Variants in PRKAR1B observed in about 807,000 individuals in gnomAD.
The protein encoded by PRKAR1B is cAMP-dependent protein kinase type I-beta regulatory subunit.
A neutral mutation model predicts 46.5 loss-of-function variants in PRKAR1B; 22 were observed. The observed-to-expected ratio is 0.47, with a 90% CI of 0.34 to 0.68. The LOEUF is 0.68. Ranked by LOEUF, PRKAR1B falls within the 30% of genes least tolerant of loss-of-function variation. The pLI is 0.01. For synonymous variants in PRKAR1B, 259 were observed against 217.7 expected (o/e 1.19, Z -1.67); for missense variants, 445 against 535.6 (o/e 0.83, Z 1.67).
intron 7 of PRKAR1B, among the ~76,000 whole-genome samples, chr7:585,162 A>G (rs989356725): frequency 6.6e-6 from 1 of 152,208 alleles, no homozygotes; most frequent in Non-Finnish European, 1.5e-5. Context: ...CATTCTAGAA[A>G]CTAGGATTAT....
chr7:583,556 G>A lies in PRKAR1B; in HGVS notation c.769+952C>T, dbSNP rs200815915. Among the ~76,000 whole-genome samples the A allele has an allele frequency of 9.6e-5, 5 of 52,090 alleles. 1 individual carries two copies. Among genetic ancestry groups the A allele is most frequent in the Middle Eastern group, 9.8e-3 (1 of 102 alleles). The allele number at this position is 52,090 out of a possible 152,430, so 34.2% of individuals were successfully genotyped here. A position where few individuals can be genotyped will look rare whatever the true frequency, so the allele number is the denominator to read the frequency against. On this transcript the variant is annotated intron_variant, in intron 8 of 10. Coordinates refer to ENST00000537384, the MANE Select transcript of PRKAR1B (RefSeq NM_001164760.2). ...CCACTCACACACGTGCCAAACACAT[G>A]CGTGCACACCCATGCACACACACTT...
At chr7:586,976 C>T (rs541154072) in intron 7 of PRKAR1B, among the ~76,000 whole-genome samples, 17 of 151,872 alleles carry the variant, frequency 1.1e-4, no homozygotes, top group Admixed American at 4.6e-4. Context: ...CTCCAACTCC[C>T]GGGTTCACGC....
At chr7:702,267 T>C (rs1345181065) in intron 2 of PRKAR1B, among the ~76,000 whole-genome samples, 1 of 145,646 alleles carries the variant, frequency 6.9e-6, no homozygotes, top group Non-Finnish European at 1.5e-5. Flanking sequence ...TAAAAAATAA[T>C]CAAATAATCT....
intron 7 of PRKAR1B, among the ~76,000 whole-genome samples, chr7:595,334 C>CT (rs1781211549): frequency 6.6e-6 from 1 of 152,204 alleles, no homozygotes; most frequent in African/African-American, 2.4e-5. Flanking sequence ...CAGTCCCCCC[C>CT]GCCCCACTCC....
chr7:575,808 C>T (rs1290269636), intron 9 of PRKAR1B, among the ~76,000 whole-genome samples: 4 of 152,160 alleles, frequency 2.6e-5, no homozygotes, highest in African/African-American at 4.8e-5. Flanking sequence ...TGCCTGGGCT[C>T]GAGTGATCCT....
intron 4 of PRKAR1B, among the ~76,000 whole-genome samples, chr7:623,248 G>A (rs941814836): frequency 5.3e-5 from 8 of 152,196 alleles, no homozygotes; most frequent in South Asian, 2.1e-4. Context: ...TCCTGCTCCC[G>A]GCTGGGGTGC....
intron 9 of PRKAR1B, among the ~76,000 whole-genome samples, chr7:566,516 T>A (rs1222985178): frequency 9.8e-5 from 9 of 91,884 alleles, no homozygotes; most frequent in Admixed American, 3.1e-4. Context: ...ACCATCATGA[T>A]CATCACCATC....
chr7:637,220 G>A (rs1784160371), intron 4 of PRKAR1B, among the ~76,000 whole-genome samples: 1 of 152,150 alleles, frequency 6.6e-6, no homozygotes, highest in African/African-American at 2.4e-5. Flanking sequence ...TTCGGAGGCA[G>A]AGGTCTAGCC....
intron 4 of PRKAR1B, among the ~76,000 whole-genome samples, chr7:612,901 G>C (rs558416279): frequency 1.3e-5 from 2 of 151,896 alleles, no homozygotes; most frequent in Admixed American, 6.6e-5. Flanking sequence ...GTCAGCAACA[G>C]AGGCTTTATT....
intron 4 of PRKAR1B, among the ~76,000 whole-genome samples, chr7:632,269 T>G (rs1217232464): frequency 1.3e-5 from 2 of 152,274 alleles, no homozygotes; most frequent in East Asian, 3.9e-4. Context: ...GCTCGGCCCC[T>G]GCAGAAGGGC....
At chr7:695,010 G>T (rs1251560285) in intron 2 of PRKAR1B, among the ~76,000 whole-genome samples, 1 of 147,726 alleles carries the variant, frequency 6.8e-6, no homozygotes. Flanking sequence ...CAGCCTGGGG[G>T]ACAGAGCAAG....
At chr7:631,512 T>TCTCACAGCCCAGCA (rs1783737573) in intron 4 of PRKAR1B, among the ~76,000 whole-genome samples, 1 of 152,024 alleles carries the variant, frequency 6.6e-6, no homozygotes, top group Non-Finnish European at 1.5e-5. Context: ...CAGAAGCCAG[T>TCTCACAGCCCAGCA]CTCACAGCCC....
chr7:718,863 CTT>C (rs1165723435), intron 1 of PRKAR1B, among the ~76,000 whole-genome samples: 13 of 73,870 alleles, frequency 1.8e-4, no homozygotes, highest in South Asian at 7.2e-4. Flanking sequence ...CTTTTATAGG[CTT>C]TTTTTTTTTT....
intron 2 of PRKAR1B, among the ~76,000 whole-genome samples, chr7:699,627 G>GA (rs1057389766): frequency 9.9e-5 from 15 of 152,180 alleles, no homozygotes; most frequent in Non-Finnish European, 1.5e-4. Context: ...GTCGTGGTGA[G>GA]AGGCTCTCTG....
chr7:585,817 G>C (rs13244422), intron 7 of PRKAR1B, among the ~76,000 whole-genome samples: 2 of 152,190 alleles, frequency 1.3e-5, no homozygotes, highest in South Asian at 4.1e-4. Flanking sequence ...GCCTAGACTG[G>C]GCCCTAAAAG....
chr7:584,576 G>C lies in PRKAR1B; in HGVS notation c.709-8C>G. On this transcript the variant is annotated splice_polypyrimidine_tract_variant and splice_region_variant and intron_variant, in intron 7 of 10. Coordinates refer to ENST00000537384, the MANE Select transcript of PRKAR1B (RefSeq NM_001164760.2). ...TTTCCTCAGCGTGCTGCCCTGTTCGGGAGAAAGTAAAAAACAGACAAGAAG... is the reference window on the plus strand; with the variant it reads ...TTTCCTCAGCGTGCTGCCCTGTTCGCGAGAAAGTAAAAAACAGACAAGAAG... 2 of 1,612,258 alleles carry C rather than the reference G, an allele frequency of 1.2e-6. No individual in the cohort carries two copies. The highest frequency in any genetic ancestry group is 1.7e-6 in the Non-Finnish European group (2 of 1,179,016).
At chr7:595,798 A>G (rs1781240169) in intron 7 of PRKAR1B, among the ~76,000 whole-genome samples, 1 of 152,174 alleles carries the variant, frequency 6.6e-6, no homozygotes, top group Admixed American at 6.5e-5. Flanking sequence ...TCGGCAGGGA[A>G]CCACGCTCCT....
Position 550,424 on chromosome 7 carries a change from C to T in PRKAR1B, c.*6G>A. On this transcript the variant is annotated 3_prime_UTR_variant, in exon 11 of 11. Transcript: ENST00000537384. ...GGGAGCTGGGGCTGCAGGGCGGGAG[C>T]TGTGCTCAGACGGTGAGGGAGATGA... 6.3e-7 allele frequency: 1 copy of T among 1,583,178 alleles called. No homozygotes were observed. Among genetic ancestry groups the T allele is most frequent in the Non-Finnish European group, 8.6e-7 (1 of 1,165,072 alleles).
intron 5 of PRKAR1B, among the ~76,000 whole-genome samples, chr7:606,487 G>GC (rs1562557592): frequency 6.6e-6 from 1 of 151,702 alleles, no homozygotes; most frequent in East Asian, 1.9e-4. Context: ...TTTGTTTTTT[G>GC]TTTTTTTTGA....
Sources: gnomAD v4.1 joint callset for allele counts (sites outside exome capture counted in the v4.1 genomes callset) on GRCh38, gnomAD v4.1.1 for gene constraint, MANE v1.5 for transcripts, NCBI Gene and HGNC (gene_info 2026-07-23, HGNC 2026-07-21) for gene names.